The following PRIM2 variants were observed in gnomAD, a reference collection of about 807,000 sequenced individuals.
PRIM2 encodes DNA primase subunit 2.
In PRIM2, 39 loss-of-function variants were observed where a neutral mutation model predicts 67.3. The ratio of observed to expected loss-of-function variants is 0.58; its 90% CI spans 0.45 to 0.76. The LOEUF is 0.76. Among genes scored for constraint, PRIM2 ranks in the 30% least tolerant of loss-of-function variants. PRIM2 has a pLI of 0.00. For missense variants in PRIM2, 398 were observed against 598.7 expected (o/e 0.66, Z 3.50); for synonymous variants, 143 against 198.7 (o/e 0.72, Z 2.36).
chr6:57,567,417 A>G (rs1775765164), intron 10 of PRIM2, among the ~76,000 whole-genome samples: 1 of 152,146 alleles, frequency 6.6e-6, no homozygotes, highest in South Asian at 2.1e-4. Flanking sequence ...AGGCAAATGT[A>G]AGTGTTCTGA....
intron 9 of PRIM2, among the ~76,000 whole-genome samples, chr6:57,536,991 C>T (rs1432943781): frequency 6.6e-6 from 1 of 152,112 alleles, no homozygotes; most frequent in Non-Finnish European, 1.5e-5. Context: ...ATGAGTACAA[C>T]TGAGGAAACC....
chr6:57,492,190 A>C (rs1773909028), intron 7 of PRIM2, among the ~76,000 whole-genome samples: 1 of 152,184 alleles, frequency 6.6e-6, no homozygotes, highest in African/African-American at 2.4e-5. Flanking sequence ...AATTCATTTA[A>C]ATATCATGTT....
At chr6:57,528,604 T>A (rs1774816858) in intron 8 of PRIM2, among the ~76,000 whole-genome samples, 2 of 152,226 alleles carry the variant, frequency 1.3e-5, no homozygotes, top group Non-Finnish European at 2.9e-5. Flanking sequence ...TGTTTGTACA[T>A]CATTTTACCA....
chr6:57,492,480 C>G (rs1554346058), intron 7 of PRIM2, among the ~76,000 whole-genome samples: 1 of 151,502 alleles, frequency 6.6e-6, no homozygotes, highest in African/African-American at 2.4e-5. Flanking sequence ...GAGGCGGAGG[C>G]TGCAGTGAGC....
intron 7 of PRIM2, among the ~76,000 whole-genome samples, chr6:57,478,176 T>A (rs1773523724): frequency 6.6e-6 from 1 of 152,222 alleles, no homozygotes; most frequent in African/African-American, 2.4e-5. Flanking sequence ...GTTCTTGACC[T>A]GCTATACTGC....
At chr6:57,548,716 C>T (rs1298530499) in intron 10 of PRIM2, among the ~76,000 whole-genome samples, 3 of 152,212 alleles carry the variant, frequency 2.0e-5, no homozygotes, top group East Asian at 3.9e-4. Context: ...GTTTATCTCA[C>T]ACCTGATGGA....
At chr6:57,278,916 A>G in the PRIM2 span, among the ~76,000 whole-genome samples, 1 of 152,224 alleles carries the variant, frequency 6.6e-6, no homozygotes, top group Non-Finnish European at 1.5e-5. Flanking sequence ...GTTTTTTCCT[A>G]TGTGAGAATT....
chr6:57,320,459 T>G lies in PRIM2; in HGVS notation c.157T>G (p.Leu53Val). Residue 53 changes from leucine (L) to valine (V), a missense_variant and splice_region_variant, in exon 3 of 14, where the codon TTA becomes GTA. Leu to Val is a conservative substitution (Grantham distance 32). Transcript: ENST00000615550. The part of the protein sequence containing the change: ...ENLAIDRVKL[L>V]KSVENLGVSY... ...TATACCTTTTTTCTTTTTTTTAGTG[T>G]TAAAATCAGTTGAAAATCTTGGAGT... 1 of 1,593,526 alleles carries G rather than the reference T, an allele frequency of 6.3e-7. No individual in the cohort carries two copies. The highest frequency in any genetic ancestry group is 8.5e-7 in the Non-Finnish European group (1 of 1,172,234).
intron 5 of PRIM2, among the ~76,000 whole-genome samples, chr6:57,346,089 A>G (rs1390566702): frequency 2.0e-5 from 3 of 152,144 alleles, no homozygotes; most frequent in African/African-American, 7.2e-5. Flanking sequence ...CTGTTTTATC[A>G]GCAGGGTCTT....
chr6:57,477,922 G>T (rs1363290802), intron 7 of PRIM2, among the ~76,000 whole-genome samples: 1 of 152,124 alleles, frequency 6.6e-6, no homozygotes, highest in Non-Finnish European at 1.5e-5. Context: ...GTTCATAACG[G>T]ATCATCTATG....
intron 7 of PRIM2, among the ~76,000 whole-genome samples, chr6:57,506,521 T>C (rs1161991333): frequency 2.5e-4 from 38 of 152,200 alleles, no homozygotes; most frequent in East Asian, 1.5e-3. Flanking sequence ...GTTAAATGAT[T>C]GATTAGTAAA....
chr6:57,627,562 C>T (rs1317512980), intron 12 of PRIM2, among the ~76,000 whole-genome samples: 1,816 of 151,630 alleles, frequency 0.012, 21 homozygotes, highest in Non-Finnish European at 0.02. Context: ...CTAATTTTTG[C>T]ATTTTTAGTA....
intron 8 of PRIM2, among the ~76,000 whole-genome samples, chr6:57,520,942 A>G (rs1488325424): frequency 1.4e-4 from 21 of 152,250 alleles, no homozygotes; most frequent in South Asian, 4.1e-4. Flanking sequence ...GAATCATACA[A>G]TTTCTCCCAG....
At chr6:57,548,470 G>C (rs1775332660) in intron 10 of PRIM2, among the ~76,000 whole-genome samples, 1 of 152,164 alleles carries the variant, frequency 6.6e-6, no homozygotes, top group Non-Finnish European at 1.5e-5. Flanking sequence ...TGGAAATGGA[G>C]GATGTGCTGA....
At chr6:57,265,523 C>T in the PRIM2 span, among the ~76,000 whole-genome samples, 4 of 152,262 alleles carry the variant, frequency 2.6e-5, no homozygotes, top group East Asian at 1.9e-4. Flanking sequence ...TTACGGTAGA[C>T]GCTCAACCAC....
At chr6:57,292,320 C>A in the PRIM2 span, among the ~76,000 whole-genome samples, 2 of 152,102 alleles carry the variant, frequency 1.3e-5, no homozygotes, top group Admixed American at 6.5e-5. Flanking sequence ...AGGACAACTA[C>A]AAACCACTGC....
chr6:57,387,251 A>G (rs1770183988), intron 7 of PRIM2, among the ~76,000 whole-genome samples: 1 of 152,210 alleles, frequency 6.6e-6, no homozygotes, highest in Admixed American at 6.5e-5. Context: ...TATCTGGTAT[A>G]GCATGTGGCA....
chr6:57,450,142 A>G (rs1772495311), intron 7 of PRIM2, among the ~76,000 whole-genome samples: 1 of 152,210 alleles, frequency 6.6e-6, no homozygotes, highest in African/African-American at 2.4e-5. Flanking sequence ...AAATACCAAA[A>G]CAAGATTTAA....
At chr6:57,274,943 A>ATTTTT in the PRIM2 span, among the ~76,000 whole-genome samples, 77 of 137,374 alleles carry the variant, frequency 5.6e-4, 1 homozygote, top group East Asian at 1.3e-3. Flanking sequence ...CACCTGGCTA[A>ATTTTT]TTTTTTTTTT....
Sources: allele counts gnomAD v4.1 joint callset (sites outside exome capture counted in the v4.1 genomes callset), GRCh38; gene constraint gnomAD v4.1.1; transcripts MANE v1.5; gene names NCBI Gene and HGNC (gene_info 2026-07-23, HGNC 2026-07-21).